FAT3: variants seen among roughly 807,000 people sequenced by gnomAD.
FAT3 encodes the protein protocadherin Fat 3.
A neutral mutation model predicts 310.2 loss-of-function variants in FAT3; 95 were observed. That is an observed-to-expected ratio of 0.31 (90% CI 0.26 to 0.36). The LOEUF is 0.36. Among genes scored for constraint, FAT3 ranks in the 10% least tolerant of loss-of-function variants. The pLI is 1.00. For missense variants in FAT3, 5,408 were observed against 5,715.6 expected, an observed-to-expected ratio of 0.95 and a Z score of 1.74; for synonymous variants, 2,314 against 2,192.9, an observed-to-expected ratio of 1.06 and a Z score of -1.54.
At chr11:92,541,047 A>G (rs1220168745) in intron 3 of FAT3, among the ~76,000 whole-genome samples, 1 of 152,222 alleles carries the variant, frequency 6.6e-6, no homozygotes, top group Non-Finnish European at 1.5e-5. Context: ...ACAAGAAAAT[A>G]AGATTTACCC....
chr11:92,697,547 A>G (rs371158510), intron 4 of FAT3, 102 bp downstream of exon 4: 1 of 1,119,982 alleles, frequency 8.9e-7, no homozygotes, highest in Non-Finnish European at 1.3e-6. Flanking sequence ...AACAGTGGAT[A>G]TCAAAGTGAA....
chr11:92,652,751 C>T (rs12287187), intron 3 of FAT3, among the ~76,000 whole-genome samples: 4,093 of 152,292 alleles, frequency 0.027, 200 homozygotes, highest in African/African-American at 0.093. Context: ...AATAATTTCC[C>T]CTTTAAATAT....
At chr11:92,467,229 C>T (rs937912711) in intron 2 of FAT3, among the ~76,000 whole-genome samples, 2 of 152,148 alleles carry the variant, frequency 1.3e-5, no homozygotes, top group African/African-American at 2.4e-5. Context: ...TCTCCACATC[C>T]TCTCCAGCAC....
At chr11:92,421,094 A>G (rs1387856729) in intron 2 of FAT3, among the ~76,000 whole-genome samples, 2 of 152,212 alleles carry the variant, frequency 1.3e-5, no homozygotes, top group African/African-American at 2.4e-5. Flanking sequence ...AAAAGAACAG[A>G]CCACATACTC....
intron 2 of FAT3, among the ~76,000 whole-genome samples, chr11:92,365,193 C>T (rs867764549): frequency 1.3e-5 from 2 of 152,110 alleles, no homozygotes; most frequent in Middle Eastern, 3.4e-3. Context: ...TCACTTGTGC[C>T]TAGGAGGTTG....
At chr11:92,518,275 C>T (rs1057310829) in intron 2 of FAT3, among the ~76,000 whole-genome samples, 5 of 152,138 alleles carry the variant, frequency 3.3e-5, no homozygotes, top group Non-Finnish European at 7.3e-5. Context: ...AAATGCCCAT[C>T]AATGATAGAC....
At chr11:92,429,679 C>A (rs992124247) in intron 2 of FAT3, among the ~76,000 whole-genome samples, 2 of 151,812 alleles carry the variant, frequency 1.3e-5, no homozygotes, top group Non-Finnish European at 2.9e-5. Flanking sequence ...GTGGAAAATT[C>A]TTTTAAGAAT....
intron 1 of FAT3, among the ~76,000 whole-genome samples, chr11:92,341,322 T>C (rs1948255883): frequency 6.6e-6 from 1 of 152,178 alleles, no homozygotes. Flanking sequence ...GGTGTCCATG[T>C]TGACCTGTTC....
intron 1 of FAT3, among the ~76,000 whole-genome samples, chr11:92,256,558 A>G (rs540918237): frequency 1.3e-5 from 2 of 152,156 alleles, no homozygotes; most frequent in South Asian, 2.1e-4. Context: ...GTGAAACCAA[A>G]AGAAAATCCA....
At chr11:92,469,690 T>TA (rs1369310343) in intron 2 of FAT3, among the ~76,000 whole-genome samples, 1 of 152,002 alleles carries the variant, frequency 6.6e-6, no homozygotes, top group Non-Finnish European at 1.5e-5. Flanking sequence ...AATTTTTTTT[T>TA]ATTTTTAGTA....
chr11:92,574,421 G>A lies in FAT3; in HGVS notation c.3607+49473G>A, dbSNP rs1938355457. Among the ~76,000 whole-genome samples the A allele has an allele frequency of 2.0e-5, 3 of 152,260 alleles. No homozygotes were observed. In the South Asian group the frequency reaches 6.2e-4, roughly 32 times the overall value. On this transcript the variant is annotated intron_variant, in intron 3 of 27. Transcript: ENST00000525166. ...TAACCTGGCAGCAGACTCTAGTGGA[G>A]GGAGCCCTGTGTCTTGTGTGGCCTC...
chr11:92,472,538 G>A (rs1027262186), intron 2 of FAT3, among the ~76,000 whole-genome samples: 1 of 152,118 alleles, frequency 6.6e-6, no homozygotes, highest in African/African-American at 2.4e-5. Flanking sequence ...AAATAAAACT[G>A]CCTAGCTCTG....
chr11:92,771,671 G>A (rs1323981330), intron 6 of FAT3, among the ~76,000 whole-genome samples: 1 of 151,730 alleles, frequency 6.6e-6, no homozygotes, highest in Non-Finnish European at 1.5e-5. Context: ...TCCCTTTAGA[G>A]GTTTCTGTTC....
chr11:92,408,086 A>T (rs969134152), intron 2 of FAT3: 9 of 152,232 alleles, frequency 5.9e-5, no homozygotes, highest in African/African-American at 1.9e-4. Flanking sequence ...AGAGTTCAAG[A>T]TAAAGATTCC....
chr11:92,617,554 G>A (rs528359729), intron 3 of FAT3, among the ~76,000 whole-genome samples: 7 of 152,132 alleles, frequency 4.6e-5, no homozygotes, highest in Admixed American at 4.6e-4. Context: ...GAGGAGAAGA[G>A]GCACTCTGAT....
At chr11:92,315,680 C>T (rs1947443159) in intron 1 of FAT3, among the ~76,000 whole-genome samples, 1 of 151,340 alleles carries the variant, frequency 6.6e-6, no homozygotes, top group Admixed American at 6.6e-5. Flanking sequence ...TGCATCACCA[C>T]ACCTGGATAA....
chr11:92,578,365 C>G (rs1366204155), intron 3 of FAT3, among the ~76,000 whole-genome samples: 2 of 151,988 alleles, frequency 1.3e-5, no homozygotes, highest in Admixed American at 6.6e-5. Flanking sequence ...GCTTCTATAC[C>G]CAGTTTGGAA....
At chr11:92,510,906 A>G (rs1055793665) in intron 2 of FAT3, among the ~76,000 whole-genome samples, 13 of 152,312 alleles carry the variant, frequency 8.5e-5, no homozygotes, top group African/African-American at 2.9e-4. Flanking sequence ...TGCCTAATCA[A>G]TGGGCATCCT....
intron 2 of FAT3, chr11:92,366,628 T>A: frequency 1.9e-6 from 1 of 533,434 alleles, no homozygotes. Flanking sequence ...AGTTGACAGG[T>A]TCAGCTCCAT....
Sources: gnomAD v4.1 joint callset for allele counts (sites outside exome capture counted in the v4.1 genomes callset) on GRCh38, gnomAD v4.1.1 for gene constraint, MANE v1.5 for transcripts, NCBI Gene and HGNC (gene_info 2026-07-23, HGNC 2026-07-21) for gene names.